Variants in HNF1B observed in about 807,000 individuals in gnomAD.
HNF1B encodes HNF1 homeobox B, also known as hepatocyte nuclear factor 1-beta.
In HNF1B, 8 loss-of-function variants were observed where a neutral mutation model predicts 61.7. That is an observed-to-expected ratio of 0.13 (90% CI 0.08 to 0.23). HNF1B has a LOEUF of 0.23. HNF1B is among the 10% of genes least tolerant of loss of function. The pLI is 1.00. For synonymous variants in HNF1B, 314 were observed against 287.7 expected, an observed-to-expected ratio of 1.09 and a Z score of -0.93; for missense variants, 562 against 714.5, an observed-to-expected ratio of 0.79 and a Z score of 2.43.
chr17:37,733,889 G>T, intron 2 of HNF1B, 68 bp from the exon 3 acceptor site: 1 of 1,561,096 alleles, frequency 6.4e-7, no homozygotes, highest in South Asian at 1.1e-5. Flanking sequence ...CAGACAGACA[G>T]ACAGACAACG....
chr17:37,726,176 CTG>C (rs991979050), intron 4 of HNF1B, among the ~76,000 whole-genome samples: 4 of 151,986 alleles, frequency 2.6e-5, no homozygotes, highest in African/African-American at 7.3e-5. Context: ...CTCTCTCTCT[CTG>C]TGTTGGGTTT....
At chr17:37,731,884 G>A in intron 3 of HNF1B, 54 bp from the exon 4 acceptor site, 2 of 1,213,468 alleles carry the variant, frequency 1.6e-6, no homozygotes, top group South Asian at 1.3e-5. Context: ...GGGACTTGTT[G>A]GTGCTTGGCC....
At position 37,744,476 on chromosome 17, in the gene HNF1B, A is replaced by C. The variant is rs111699857; in HGVS notation, c.344+65T>G. The C allele has an allele frequency of 3.5e-3, 5,363 of 1,534,050 alleles. 154 individuals carry two copies. The African/African-American group carries it at 0.06, about 17-fold the overall frequency. ...GGCGAGTGTGGTCGGGCGCAGTGTCACTCAGGCCCGGGGCCGGGGCTCCAG... is the reference window on the plus strand; with the variant it reads ...GGCGAGTGTGGTCGGGCGCAGTGTCCCTCAGGCCCGGGGCCGGGGCTCCAG... On this transcript the variant is annotated intron_variant, in intron 1 of 8. Coordinates refer to ENST00000617811, the MANE Select transcript of HNF1B (RefSeq NM_000458.4).
chr17:37,716,866 C>T (rs2033138796), intron 4 of HNF1B, among the ~76,000 whole-genome samples: 1 of 151,602 alleles, frequency 6.6e-6, no homozygotes, highest in Non-Finnish European at 1.5e-5. Flanking sequence ...CTCTCTCTCT[C>T]TCTCTCTCTC....
intron 5 of HNF1B, among the ~76,000 whole-genome samples, chr17:37,706,676 TAA>T (rs35797632): frequency 1.7e-4 from 22 of 131,102 alleles, no homozygotes; most frequent in Non-Finnish European, 1.6e-4. Context: ...TACCAGTCAT[TAA>T]AAAAAAAAAA....
In HNF1B at chr17:37,695,831, G is replaced by GT. The variant is rs772611049; in HGVS notation, c.1653+3244dup. ...ATTGTATTTTGGAAGTAAGTATATA[G>GT]TTTTTTTATTTTACAAGCTCATAGG... On this transcript the variant is annotated intron_variant, in intron 8 of 8. Coordinates refer to ENST00000617811, the MANE Select transcript of HNF1B (RefSeq NM_000458.4). Among the ~76,000 whole-genome samples the GT allele has an allele frequency of 1.1e-3, 164 of 152,276 alleles. 1 individual carries two copies. The highest frequency in any genetic ancestry group is 2.0e-3 in the Non-Finnish European group (133 of 68,014).
chr17:37,733,898 C>G, intron 2 of HNF1B, 77 bp from the exon 3 acceptor site: 1 of 1,485,268 alleles, frequency 6.7e-7, no homozygotes, highest in Non-Finnish European at 9.3e-7. Context: ...AGACAGACAA[C>G]GGACGAAGAC....
chr17:37,731,842 TGGAGG>T lies in HNF1B; in HGVS notation c.810-17_810-13del. The T allele has an allele frequency of 7.7e-7, 1 of 1,291,100 alleles. No individual in the cohort carries two copies. The highest frequency in any genetic ancestry group is 3.3e-5 in the East Asian group (1 of 30,090). The allele number at this position is 1,291,100 out of a possible 1,614,324, so 80.0% of individuals were successfully genotyped here. A position where few individuals can be genotyped will look rare whatever the true frequency, so the allele number is the denominator to read the frequency against. ...GCAAACATTCTGCCCTGGGAATGGA[TGGAGG>T]GGAGATGGTGAGTGAGGGGGGGCGG... On this transcript the variant is annotated splice_polypyrimidine_tract_variant and intron_variant, in intron 3 of 8. Transcript: ENST00000617811.
intron 3 of HNF1B, among the ~76,000 whole-genome samples, chr17:37,732,614 A>G (rs2033719994): frequency 1.3e-5 from 2 of 152,170 alleles, no homozygotes; most frequent in African/African-American, 2.4e-5. Flanking sequence ...TAGAAAGTCA[A>G]TACTGGAGTC....
chr17:37,691,575 G>A (rs777036525), intron 8 of HNF1B, among the ~76,000 whole-genome samples: 1 of 152,174 alleles, frequency 6.6e-6, no homozygotes, highest in Non-Finnish European at 1.5e-5. Flanking sequence ...CATGGGCTGG[G>A]TGTTTCCTTT....
intron 4 of HNF1B, among the ~76,000 whole-genome samples, chr17:37,721,281 G>A (rs751092866): frequency 6.6e-6 from 1 of 152,172 alleles, no homozygotes; most frequent in African/African-American, 2.4e-5. Context: ...AAGGTGGAAG[G>A]CTTCTAACAG....
chr17:37,697,160 T>C (rs1399550658), intron 8 of HNF1B, among the ~76,000 whole-genome samples: 2 of 152,212 alleles, frequency 1.3e-5, no homozygotes, highest in Non-Finnish European at 2.9e-5. Flanking sequence ...TGGGTTTTAG[T>C]TTATTTCTTT....
At chr17:37,700,290 G>C (rs1413016128) in intron 7 of HNF1B, among the ~76,000 whole-genome samples, 1 of 152,232 alleles carries the variant, frequency 6.6e-6, no homozygotes, top group Non-Finnish European at 1.5e-5. Flanking sequence ...CAGGATGAAA[G>C]GCAGAGAAAC....
At chr17:37,708,458 A>G (rs1030872271) in intron 5 of HNF1B, among the ~76,000 whole-genome samples, 3 of 152,176 alleles carry the variant, frequency 2.0e-5, no homozygotes, top group African/African-American at 7.2e-5. Flanking sequence ...CTGCATTTAG[A>G]GCGGCCCTGG....
intron 8 of HNF1B, among the ~76,000 whole-genome samples, chr17:37,689,076 C>T (rs1179534477): frequency 7.4e-6 from 1 of 135,366 alleles, no homozygotes; most frequent in African/African-American, 2.8e-5. Flanking sequence ...ACCCAGGAGG[C>T]GGAGGTTGTG....
intron 8 of HNF1B, among the ~76,000 whole-genome samples, chr17:37,691,552 G>A (rs8069279): frequency 0.03 from 4,576 of 152,274 alleles, 247 homozygotes; most frequent in African/African-American, 0.1. Context: ...GAAGCCAAGA[G>A]TGACCCAGCT....
rs562688476 is a variant in HNF1B, at chr17:37,708,346, T to C, written c.1206+2157A>G. ...TGCAAACAAGCTTCCAGGTGTTTGC[T>C]AACGTTGAGGTGTGCAGTCTTGGTC... is the stretch of plus-strand genomic sequence containing the variant. On this transcript the variant is annotated intron_variant, in intron 5 of 8. Transcript: ENST00000617811. 5.9e-5 allele frequency among the ~76,000 whole-genome samples: 9 copies of C among 152,326 alleles called. No homozygotes were observed. In the South Asian group the frequency reaches 1.7e-3, roughly 28 times the overall value.
intron 4 of HNF1B, among the ~76,000 whole-genome samples, chr17:37,727,035 C>T (rs1447916354): frequency 1.3e-5 from 2 of 152,114 alleles, no homozygotes; most frequent in African/African-American, 4.8e-5. Flanking sequence ...GGAGCAAGGT[C>T]GCCACAGATC....
chr17:37,732,990 C>G (rs1040815260), intron 3 of HNF1B, among the ~76,000 whole-genome samples: 1 of 152,060 alleles, frequency 6.6e-6, no homozygotes, highest in Non-Finnish European at 1.5e-5. Flanking sequence ...TGGTAGTTAA[C>G]AAGTAAAAAG....
Sources: gnomAD v4.1 joint callset for allele counts (sites outside exome capture counted in the v4.1 genomes callset) on GRCh38, gnomAD v4.1.1 for gene constraint, MANE v1.5 for transcripts, NCBI Gene and HGNC (gene_info 2026-07-23, HGNC 2026-07-21) for gene names.